Variants in FHIT observed in about 807,000 individuals in gnomAD.
The protein encoded by FHIT is bis(5'-adenosyl)-triphosphatase.
In FHIT, 19 loss-of-function variants were observed where a neutral mutation model predicts 17.9. The ratio of observed to expected loss-of-function variants is 1.06; its 90% CI spans 0.74 to 1.56. FHIT has a LOEUF of 1.56. Ranked by LOEUF, FHIT falls within the 40% of genes most tolerant of loss-of-function variation. FHIT has a pLI of 0.00. For missense variants in FHIT, 248 were observed against 189.2 expected, an observed-to-expected ratio of 1.31 and a Z score of -1.82; for synonymous variants, 81 against 69.7, an observed-to-expected ratio of 1.16 and a Z score of -0.81.
At chr3:60,377,261 C>T (rs994315532) in intron 5 of FHIT, among the ~76,000 whole-genome samples, 1 of 148,454 alleles carries the variant, frequency 6.7e-6, no homozygotes, top group African/African-American at 2.5e-5. Context: ...TGCAGTGGTG[C>T]GATCTCGGCG....
chr3:60,935,042 C>A (rs1479826640), intron 3 of FHIT, among the ~76,000 whole-genome samples: 1 of 152,002 alleles, frequency 6.6e-6, no homozygotes, highest in Non-Finnish European at 1.5e-5. Flanking sequence ...GTGAGAGAGG[C>A]ACTTTAAAAA....
chr3:60,850,468 C>T (rs2106909633), intron 3 of FHIT, among the ~76,000 whole-genome samples: 1 of 152,168 alleles, frequency 6.6e-6, no homozygotes. Flanking sequence ...CTCATTCCCA[C>T]CAACTCACTC....
At chr3:61,124,414 T>C (rs1164385987) in intron 2 of FHIT, among the ~76,000 whole-genome samples, 1 of 152,138 alleles carries the variant, frequency 6.6e-6, no homozygotes, top group Non-Finnish European at 1.5e-5. Flanking sequence ...TGGTGGTAAA[T>C]GCTTAACAAC....
At chr3:60,686,828 C>T (rs1334133286) in intron 4 of FHIT, among the ~76,000 whole-genome samples, 5 of 152,158 alleles carry the variant, frequency 3.3e-5, no homozygotes, top group Admixed American at 2.0e-4. Flanking sequence ...CTCTGTGTGG[C>T]CCTACCTGTG....
intron 5 of FHIT, among the ~76,000 whole-genome samples, chr3:60,135,679 A>G (rs1311673700): frequency 2.6e-5 from 4 of 152,184 alleles, no homozygotes; most frequent in African/African-American, 9.7e-5. Context: ...AGTGGCAGTG[A>G]GCAGAGGTCT....
intron 5 of FHIT, among the ~76,000 whole-genome samples, chr3:60,360,960 G>A (rs999477548): frequency 6.6e-6 from 1 of 152,220 alleles, no homozygotes. Context: ...AAAGCCTTCC[G>A]TCCGACCCAT....
intron 3 of FHIT, among the ~76,000 whole-genome samples, chr3:60,979,529 C>A (rs1043044668): frequency 6.6e-6 from 1 of 152,138 alleles, no homozygotes; most frequent in Non-Finnish European, 1.5e-5. Flanking sequence ...GCTGCCATGT[C>A]CTACCTCCTC....
intron 4 of FHIT, among the ~76,000 whole-genome samples, chr3:60,803,132 G>C (rs1701254281): frequency 6.6e-6 from 1 of 152,142 alleles, no homozygotes; most frequent in Non-Finnish European, 1.5e-5. Flanking sequence ...AAGTCTTCCG[G>C]TTAGTACTTA....
At chr3:60,197,028 C>T (rs77888594) in intron 5 of FHIT, among the ~76,000 whole-genome samples, 6,557 of 152,182 alleles carry the variant, frequency 0.043, 183 homozygotes, top group Middle Eastern at 0.14. Flanking sequence ...TATACGTAGA[C>T]AGATAAAAGA....
chr3:59,840,686 C>T (rs1165633843), intron 8 of FHIT, among the ~76,000 whole-genome samples: 1 of 152,158 alleles, frequency 6.6e-6, no homozygotes, highest in Non-Finnish European at 1.5e-5. Flanking sequence ...TGCGTGGTTA[C>T]ATCACTCAAC....
At chr3:60,217,098 A>C (rs1703730653) in intron 5 of FHIT, among the ~76,000 whole-genome samples, 1 of 152,220 alleles carries the variant, frequency 6.6e-6, no homozygotes, top group South Asian at 2.1e-4. Flanking sequence ...TTTCTTTTAA[A>C]AGTCCAATTT....
intron 8 of FHIT, among the ~76,000 whole-genome samples, chr3:59,909,705 T>A (rs1027729753): frequency 3.3e-5 from 5 of 152,048 alleles, no homozygotes; most frequent in African/African-American, 1.2e-4. Context: ...TCCCATGAGG[T>A]TTTGATCAAA....
At chr3:61,024,756 G>T (rs1273719899) in intron 3 of FHIT, among the ~76,000 whole-genome samples, 2 of 152,098 alleles carry the variant, frequency 1.3e-5, no homozygotes. Context: ...TCTTCAAAAT[G>T]AAATATGATC....
intron 4 of FHIT, among the ~76,000 whole-genome samples, chr3:60,656,978 A>ACC (rs1390110334): frequency 3.4e-5 from 2 of 59,072 alleles, no homozygotes; most frequent in African/African-American, 9.0e-5. Flanking sequence ...TTTTATGTCC[A>ACC]CACAAAAAAA....
chr3:60,952,411 A>G (rs1708928527), intron 3 of FHIT, among the ~76,000 whole-genome samples: 1 of 152,162 alleles, frequency 6.6e-6, no homozygotes, highest in South Asian at 2.1e-4. Context: ...CAATCAAAGA[A>G]TAGTCCCTAG....
intron 3 of FHIT, among the ~76,000 whole-genome samples, chr3:60,994,332 C>T (rs1002229742): frequency 5.3e-5 from 8 of 151,948 alleles, no homozygotes; most frequent in Admixed American, 2.0e-4. Flanking sequence ...GGATGGAGAA[C>T]GTGGGGGAAG....
At chr3:60,361,197 G>A (rs1228292509) in intron 5 of FHIT, among the ~76,000 whole-genome samples, 1 of 152,166 alleles carries the variant, frequency 6.6e-6, no homozygotes, top group African/African-American at 2.4e-5. Flanking sequence ...TGAAAGTCCA[G>A]TGGGGAGAAG....
chr3:61,148,048 TA>T (rs1021500784), intron 2 of FHIT, among the ~76,000 whole-genome samples: 26 of 143,652 alleles, frequency 1.8e-4, no homozygotes, highest in South Asian at 2.2e-4. Flanking sequence ...GAGAAAAGTT[TA>T]AAAAAAAAAA....
chr3:59,873,269 A>G (rs1052330350), intron 8 of FHIT, among the ~76,000 whole-genome samples: 2 of 152,196 alleles, frequency 1.3e-5, no homozygotes, highest in African/African-American at 4.8e-5. Flanking sequence ...TACCAGGCAC[A>G]TGGTGGCTAT....
Sources: gnomAD v4.1 joint callset for allele counts (sites outside exome capture counted in the v4.1 genomes callset) on GRCh38, gnomAD v4.1.1 for gene constraint, MANE v1.5 for transcripts, NCBI Gene and HGNC (gene_info 2026-07-23, HGNC 2026-07-21) for gene names.